PTPRD: variants seen among roughly 807,000 people sequenced by gnomAD.
PTPRD encodes the protein protein tyrosine phosphatase receptor type D.
PTPRD carries 34 observed loss-of-function variants against 214.5 expected under a neutral mutation model. The ratio of observed to expected loss-of-function variants is 0.16; its 90% CI spans 0.12 to 0.21. PTPRD has a LOEUF of 0.21. PTPRD is among the 10% of genes least tolerant of loss of function. The pLI, the probability that PTPRD is intolerant of heterozygous loss-of-function variation, is 1.00. For synonymous variants in PTPRD, 1,128 were observed against 845.7 expected, an observed-to-expected ratio of 1.33 and a Z score of -5.79; for missense variants, 2,545 against 2,398.7, an observed-to-expected ratio of 1.06 and a Z score of -1.27.
intron 3 of PTPRD, among the ~76,000 whole-genome samples, chr9:10,145,709 A>T (rs1005998248): frequency 6.6e-6 from 1 of 152,100 alleles, no homozygotes; most frequent in African/African-American, 2.4e-5. Context: ...AGTCTCCAGC[A>T]TGTGTGTATG....
At chr9:9,044,832 A>G (rs1175562754) in intron 10 of PTPRD, among the ~76,000 whole-genome samples, 1 of 152,132 alleles carries the variant, frequency 6.6e-6, no homozygotes, top group Non-Finnish European at 1.5e-5. Context: ...GGTATTTTTG[A>G]GCCTTGAGAG....
chr9:10,249,098 C>G (rs1283840630), intron 3 of PTPRD, among the ~76,000 whole-genome samples: 1 of 152,036 alleles, frequency 6.6e-6, no homozygotes, highest in Non-Finnish European at 1.5e-5. Flanking sequence ...CAAATTTGAC[C>G]TGCATTTCAA....
chr9:10,224,058 C>G (rs1170783552), intron 3 of PTPRD, among the ~76,000 whole-genome samples: 1 of 151,772 alleles, frequency 6.6e-6, no homozygotes, highest in African/African-American at 2.4e-5. Flanking sequence ...CAATAAGTGA[C>G]AAATCTTCAT....
In PTPRD at chr9:8,361,354, T is replaced by C. The variant is rs147953357; in HGVS notation, c.4661+14582A>G. 6.4e-3 allele frequency among the ~76,000 whole-genome samples: 968 copies of C among 152,282 alleles called. 13 individuals are homozygous for C. The highest frequency in any genetic ancestry group is 0.022 in the African/African-American group (926 of 41,564). On this transcript the variant is annotated intron_variant, in intron 39 of 45. Coordinates refer to ENST00000381196, the MANE Select transcript of PTPRD (RefSeq NM_002839.4). ...GTGCTGAGTGAAAATTTTAAAAGAC[T>C]GCAAGCCAAATGTTGCTAAGGACAA...
At chr9:9,738,973 A>G (rs2098351535) in intron 6 of PTPRD, among the ~76,000 whole-genome samples, 1 of 152,262 alleles carries the variant, frequency 6.6e-6, no homozygotes, top group Admixed American at 6.5e-5. Context: ...TTTTTATATT[A>G]CTTGTATATA....
intron 5 of PTPRD, among the ~76,000 whole-genome samples, chr9:9,839,842 A>G (rs2057841241): frequency 6.6e-6 from 1 of 152,052 alleles, no homozygotes; most frequent in Admixed American, 6.6e-5. Context: ...TAATCTCCCC[A>G]ATATCCTTCT....
Position 8,609,866 on chromosome 9 carries a change from T to C in PTPRD, c.352+23451A>G, listed in dbSNP as rs952052969. Among the ~76,000 whole-genome samples, 3 of 152,260 alleles carry C rather than the reference T, an allele frequency of 2.0e-5. No individual in the cohort carries two copies. The South Asian group carries it at 6.2e-4, about 32-fold the overall frequency. On this transcript the variant is annotated intron_variant, in intron 14 of 45. Coordinates refer to ENST00000381196, the MANE Select transcript of PTPRD (RefSeq NM_002839.4). The stretch of plus-strand genomic sequence containing the variant: ...GTATTTTTTCCTTATACAAATAATA[T>C]AAAGGAGAAAAAATTCAGTATATTT...
chr9:9,868,527 A>G (rs907449807), intron 5 of PTPRD, among the ~76,000 whole-genome samples: 7 of 152,062 alleles, frequency 4.6e-5, no homozygotes, highest in Non-Finnish European at 7.4e-5. Context: ...GATTCAGGAA[A>G]TATAGCTTGA....
At chr9:9,758,657 C>T (rs1391373656) in intron 6 of PTPRD, among the ~76,000 whole-genome samples, 1 of 144,940 alleles carries the variant, frequency 6.9e-6, no homozygotes, top group Admixed American at 6.7e-5. Context: ...CTTGCCCCAA[C>T]CAAGACAGAC....
intron 9 of PTPRD, among the ~76,000 whole-genome samples, chr9:9,333,816 C>T (rs192695270): frequency 2.6e-5 from 4 of 151,816 alleles, no homozygotes; most frequent in African/African-American, 9.6e-5. Flanking sequence ...AAAATAATTC[C>T]TCTAAGTAAA....
At chr9:8,711,295 C>A (rs935513541) in intron 12 of PTPRD, among the ~76,000 whole-genome samples, 1 of 151,870 alleles carries the variant, frequency 6.6e-6, no homozygotes, top group Admixed American at 6.6e-5. Flanking sequence ...AACAAGTACG[C>A]CTTTTAATCA....
chr9:9,279,413 A>G (rs999174092), intron 9 of PTPRD, among the ~76,000 whole-genome samples: 2 of 149,256 alleles, frequency 1.3e-5, no homozygotes, highest in Non-Finnish European at 3.0e-5. Context: ...TAAAGAATGC[A>G]TTCGGTGCTA....
intron 3 of PTPRD, among the ~76,000 whole-genome samples, chr9:10,081,908 A>G (rs984454664): frequency 6.6e-6 from 1 of 152,094 alleles, no homozygotes; most frequent in African/African-American, 2.4e-5. Context: ...GATCATTTAC[A>G]GCATAATACA....
intron 2 of PTPRD, among the ~76,000 whole-genome samples, chr9:10,545,244 T>C (rs1419225415): frequency 3.9e-5 from 6 of 152,186 alleles, no homozygotes; most frequent in Non-Finnish European, 8.8e-5. Flanking sequence ...AAGGTACTGA[T>C]GGAAGATGCA....
chr9:9,827,712 G>A (rs2053427701), intron 5 of PTPRD, among the ~76,000 whole-genome samples: 1 of 152,042 alleles, frequency 6.6e-6, no homozygotes, highest in African/African-American at 2.4e-5. Flanking sequence ...TCATCAGAAT[G>A]AACAGAAAAC....
intron 9 of PTPRD, among the ~76,000 whole-genome samples, chr9:9,301,190 C>G (rs985884440): frequency 1.3e-5 from 2 of 151,752 alleles, no homozygotes; most frequent in African/African-American, 4.8e-5. Flanking sequence ...ATGATTAGAA[C>G]TATGTTAAAG....
chr9:8,330,468 C>A (rs1839098200), intron 44 of PTPRD, among the ~76,000 whole-genome samples: 1 of 152,152 alleles, frequency 6.6e-6, no homozygotes, highest in South Asian at 2.1e-4. Flanking sequence ...TGGAACTAAA[C>A]TCCCATAACG....
chr9:10,074,817 C>T (rs1428901191), intron 3 of PTPRD, among the ~76,000 whole-genome samples: 1 of 152,112 alleles, frequency 6.6e-6, no homozygotes, highest in African/African-American at 2.4e-5. Context: ...TAGCATCAAT[C>T]CGAAGCCATC....
intron 9 of PTPRD, among the ~76,000 whole-genome samples, chr9:9,330,249 A>T (rs954132510): frequency 3.3e-5 from 5 of 151,978 alleles, no homozygotes; most frequent in Admixed American, 3.3e-4. Flanking sequence ...CTTTTCCCAC[A>T]CCACTGGCTT....
Sources: gnomAD v4.1 joint callset for allele counts (sites outside exome capture counted in the v4.1 genomes callset) on GRCh38, gnomAD v4.1.1 for gene constraint, MANE v1.5 for transcripts, NCBI Gene and HGNC (gene_info 2026-07-23, HGNC 2026-07-21) for gene names.